FNDC3A: variants seen among roughly 807,000 people sequenced by gnomAD.
FNDC3A encodes the protein fibronectin type-III domain-containing protein 3A.
Under a neutral mutation model 148.9 loss-of-function variants are expected in FNDC3A, and 32 were observed. That is an observed-to-expected ratio of 0.21 (90% CI 0.16 to 0.29). The LOEUF is 0.29. Among genes scored for constraint, FNDC3A ranks in the 10% least tolerant of loss-of-function variants. The pLI, the probability that FNDC3A is intolerant of heterozygous loss-of-function variation, is 1.00. For missense variants in FNDC3A, 1,191 were observed against 1,452.8 expected, an observed-to-expected ratio of 0.82 and a Z score of 2.93; for synonymous variants, 472 against 473.6, an observed-to-expected ratio of 1.00 and a Z score of 0.04.
chr13:49,106,573 A>C (rs1002849602), intron 3 of FNDC3A, among the ~76,000 whole-genome samples: 5 of 152,198 alleles, frequency 3.3e-5, no homozygotes, highest in African/African-American at 1.2e-4. Flanking sequence ...AGCTTCCCAA[A>C]GTGCCGGCAT....
intron 2 of FNDC3A, among the ~76,000 whole-genome samples, chr13:49,068,360 C>G (rs1396472208): frequency 6.6e-6 from 1 of 151,442 alleles, no homozygotes; most frequent in Non-Finnish European, 1.5e-5. Context: ...TGAGACCCGT[C>G]TATAAAAAAT....
intron 1 of FNDC3A, among the ~76,000 whole-genome samples, chr13:48,977,874 A>G (rs558202457): frequency 6.6e-5 from 10 of 152,152 alleles, no homozygotes; most frequent in East Asian, 1.9e-4. Flanking sequence ...TTAGTTTTCT[A>G]TGTGTAGGTT....
chr13:49,046,736 T>C (rs890070937), intron 2 of FNDC3A: 1 of 152,270 alleles, frequency 6.6e-6, no homozygotes, highest in Non-Finnish European at 1.5e-5. Flanking sequence ...GGTGTAGTAA[T>C]AGTGTTCTCA....
chr13:49,114,567 G>A, intron 3 of FNDC3A, 88 bp from the exon 4 acceptor site: 1 of 829,516 alleles, frequency 1.2e-6, no homozygotes. Flanking sequence ...GTGTTTAGAT[G>A]AAGTATTCAA....
chr13:49,147,702 A>G (rs73184680), intron 8 of FNDC3A, among the ~76,000 whole-genome samples: 1 of 152,276 alleles, frequency 6.6e-6, no homozygotes, highest in Non-Finnish European at 1.5e-5. Context: ...TGGGAAAAGC[A>G]CATCTCTTCA....
chr13:49,084,917 G>C (rs1449619494), intron 3 of FNDC3A, among the ~76,000 whole-genome samples: 1 of 152,084 alleles, frequency 6.6e-6, no homozygotes. Context: ...ACCAGCCCCG[G>C]TGCTTCTGGG....
At chr13:49,036,988 A>AAAGC (rs1874538665) in intron 2 of FNDC3A, among the ~76,000 whole-genome samples, 1 of 152,210 alleles carries the variant, frequency 6.6e-6, no homozygotes, top group African/African-American at 2.4e-5. Context: ...GAACAGATGG[A>AAAGC]TATCTGGAAA....
At chr13:49,145,182 T>C (rs969868930) in intron 7 of FNDC3A, among the ~76,000 whole-genome samples, 2 of 152,208 alleles carry the variant, frequency 1.3e-5, no homozygotes, top group Non-Finnish European at 2.9e-5. Flanking sequence ...AATGATTCAC[T>C]AGTTGCTATA....
At chr13:49,142,239 A>G (rs1882729808) in intron 7 of FNDC3A, among the ~76,000 whole-genome samples, 1 of 152,176 alleles carries the variant, frequency 6.6e-6, no homozygotes, top group African/African-American at 2.4e-5. Flanking sequence ...TAGAAAACCA[A>G]ATTCTTAATC....
At chr13:48,993,876 T>C (rs138720355) in intron 1 of FNDC3A, among the ~76,000 whole-genome samples, 4 of 152,334 alleles carry the variant, frequency 2.6e-5, no homozygotes, top group Admixed American at 6.5e-5. Flanking sequence ...GTGCCCAGAA[T>C]GTGCTCTTAG....
chr13:49,130,483 A>G (rs571836135), intron 4 of FNDC3A, among the ~76,000 whole-genome samples: 3 of 152,228 alleles, frequency 2.0e-5, no homozygotes, highest in East Asian at 3.9e-4. Flanking sequence ...TAGTCATAAT[A>G]TAGAAAAGGA....
chr13:49,135,651 T>C (rs1882312127), intron 5 of FNDC3A, among the ~76,000 whole-genome samples: 1 of 152,160 alleles, frequency 6.6e-6, no homozygotes, highest in South Asian at 2.1e-4. Flanking sequence ...TTTTAAAAAA[T>C]ATTTTTCTCA....
chr13:49,203,793 A>G (rs1438432253), intron 25 of FNDC3A, among the ~76,000 whole-genome samples: 2 of 152,192 alleles, frequency 1.3e-5, no homozygotes, highest in African/African-American at 2.4e-5. Context: ...GAACATGCCT[A>G]TTAAATCTGA....
At chr13:49,113,415 T>G (rs1488871359) in intron 3 of FNDC3A, among the ~76,000 whole-genome samples, 1 of 152,094 alleles carries the variant, frequency 6.6e-6, no homozygotes, top group African/African-American at 2.4e-5. Flanking sequence ...ATCACCACTG[T>G]GTGGTTCTGT....
chr13:48,995,526 C>G (rs965444263), intron 1 of FNDC3A, among the ~76,000 whole-genome samples: 2 of 152,128 alleles, frequency 1.3e-5, no homozygotes, highest in Non-Finnish European at 2.9e-5. Flanking sequence ...ATTAATAGCA[C>G]TGTCTTCTTA....
rs961625864 is a variant in FNDC3A, at chr13:49,184,774, C to T, written c.1618-1190C>T. On this transcript the variant is annotated intron_variant, in intron 14 of 25. Coordinates refer to ENST00000492622, the MANE Select transcript of FNDC3A (RefSeq NM_001079673.2). Reference sequence around the variant, plus strand: ...TGTAGGTAAAGCTTGTTTGTGCTTCCCACGACCTCCCCCTGTGCGGTCCCA... The same window carrying T: ...TGTAGGTAAAGCTTGTTTGTGCTTCTCACGACCTCCCCCTGTGCGGTCCCA... Among the ~76,000 whole-genome samples the T allele has an allele frequency of 4.6e-5, 7 of 152,088 alleles. No individual in the cohort carries two copies. The South Asian group carries it at 8.3e-4, about 18-fold the overall frequency.
intron 7 of FNDC3A, among the ~76,000 whole-genome samples, chr13:49,140,175 A>G (rs1017841465): frequency 6.6e-6 from 1 of 152,096 alleles, no homozygotes; most frequent in Non-Finnish European, 1.5e-5. Flanking sequence ...TCTACAAAAA[A>G]CAAATACAGA....
intron 8 of FNDC3A, among the ~76,000 whole-genome samples, chr13:49,166,594 A>AG (rs1371166449): frequency 1.3e-5 from 2 of 152,190 alleles, no homozygotes; most frequent in Admixed American, 6.5e-5. Context: ...GCAGCCCACA[A>AG]GGGTCTAGGG....
intron 2 of FNDC3A, among the ~76,000 whole-genome samples, chr13:49,059,367 T>C (rs1053552757): frequency 9.9e-5 from 15 of 152,226 alleles, no homozygotes; most frequent in African/African-American, 3.6e-4. Context: ...CAAATTTGAC[T>C]TCATTGAAAT....
Sources: gnomAD v4.1 joint callset for allele counts (sites outside exome capture counted in the v4.1 genomes callset) on GRCh38, gnomAD v4.1.1 for gene constraint, MANE v1.5 for transcripts, NCBI Gene and HGNC (gene_info 2026-07-23, HGNC 2026-07-21) for gene names.